The following PCDH15 variants were observed in gnomAD, a reference collection of about 807,000 sequenced individuals.
The protein encoded by PCDH15 is protocadherin-15.
A neutral mutation model predicts 178.5 loss-of-function variants in PCDH15; 129 were observed. The ratio of observed to expected loss-of-function variants is 0.72; its 90% CI spans 0.63 to 0.84. The LOEUF (loss-of-function observed/expected upper bound fraction) is 0.84, where lower values mean the gene tolerates loss of function less well. PCDH15 is among the 40% of genes least tolerant of loss of function. PCDH15 has a pLI of 0.00. For synonymous variants in PCDH15, 800 were observed against 732.0 expected (o/e 1.09, Z -1.50); for missense variants, 2,230 against 2,099.9 (o/e 1.06, Z -1.21).
At chr10:54,242,594 A>G (rs1197833711) in intron 8 of PCDH15, among the ~76,000 whole-genome samples, 2 of 152,144 alleles carry the variant, frequency 1.3e-5, no homozygotes, top group Non-Finnish European at 2.9e-5. Context: ...TATCATTTAC[A>G]CAAGTTGATG....
At chr10:54,925,310 T>C (rs1432895726) in intron 2 of PCDH15, among the ~76,000 whole-genome samples, 1 of 152,210 alleles carries the variant, frequency 6.6e-6, no homozygotes, top group East Asian at 1.9e-4. Context: ...TATGTATCTG[T>C]TTCTGTACCA....
At chr10:54,271,860 G>C (rs2058066118) in intron 8 of PCDH15, among the ~76,000 whole-genome samples, 1 of 151,168 alleles carries the variant, frequency 6.6e-6, no homozygotes, top group Admixed American at 6.6e-5. Context: ...TATTGTAGGG[G>C]TACAGATCAG....
intron 1 of PCDH15, among the ~76,000 whole-genome samples, chr10:54,793,999 GTT>G (rs1951703176): frequency 1.4e-5 from 2 of 147,596 alleles, no homozygotes; most frequent in African/African-American, 4.9e-5. Context: ...ACAATTTAAT[GTT>G]CTTTTTTGAA....
Position 54,020,311 on chromosome 10 carries a change from T to C in PCDH15, c.2632A>G (p.Arg878Gly). ...HPFTGELSLL[R>G]SLDYEAFPDQ... ...GGAAATGCCTCATAATCTAAACTCC[T>C]TAAAAGCGATAGTTCTCCTGTAAAT... The change falls in exon 20 of 38, where the codon AGG becomes GGG. Residue 878 changes from arginine (R) to glycine (G), a missense_variant. Transcript: ENST00000644397. 1 of 1,613,852 alleles carries C rather than the reference T, an allele frequency of 6.2e-7. No individual in the cohort carries two copies. Among genetic ancestry groups the C allele is most frequent in the Non-Finnish European group, 8.5e-7 (1 of 1,179,808 alleles).
intron 2 of PCDH15, among the ~76,000 whole-genome samples, chr10:54,538,539 C>G (rs1359796648): frequency 6.6e-6 from 1 of 151,974 alleles, no homozygotes; most frequent in Admixed American, 6.6e-5. Flanking sequence ...TGAAAAAAAG[C>G]TATGTTGTTT....
intron 2 of PCDH15, among the ~76,000 whole-genome samples, chr10:55,376,656 A>C (rs552423339): frequency 6.6e-6 from 1 of 152,184 alleles, no homozygotes; most frequent in East Asian, 1.9e-4. Flanking sequence ...GCTTATTTCA[A>C]CTAAAATTTT....
At chr10:54,328,566 C>G (rs1239113956) in intron 7 of PCDH15, among the ~76,000 whole-genome samples, 1 of 152,010 alleles carries the variant, frequency 6.6e-6, no homozygotes, top group Non-Finnish European at 1.5e-5. Context: ...ATTATGCTGA[C>G]ACAGGTGATA....
chr10:54,054,685 T>G (rs2093847217), intron 18 of PCDH15, among the ~76,000 whole-genome samples: 1 of 152,126 alleles, frequency 6.6e-6, no homozygotes, highest in Non-Finnish European at 1.5e-5. Context: ...TCTAATCTAT[T>G]TATGAGCTGC....
At chr10:54,433,411 A>T (rs2075150942) in intron 3 of PCDH15, among the ~76,000 whole-genome samples, 1 of 152,286 alleles carries the variant, frequency 6.6e-6, no homozygotes. Context: ...CATTTGCAAC[A>T]ACATGGATGG....
intron 28 of PCDH15, among the ~76,000 whole-genome samples, chr10:53,849,262 G>A (rs994456099): frequency 5.9e-5 from 9 of 151,878 alleles, no homozygotes; most frequent in African/African-American, 1.9e-4. Context: ...GAGAAAGTGT[G>A]CAAATATGAT....
intron 2 of PCDH15, among the ~76,000 whole-genome samples, chr10:54,529,478 A>C (rs758413822): frequency 3.3e-5 from 5 of 152,084 alleles, no homozygotes; most frequent in Non-Finnish European, 7.4e-5. Flanking sequence ...TCTGAACAAA[A>C]ACCTTACATG....
At chr10:55,402,738 G>A (rs1838101784) in intron 2 of PCDH15, among the ~76,000 whole-genome samples, 1 of 151,904 alleles carries the variant, frequency 6.6e-6, no homozygotes, top group Non-Finnish European at 1.5e-5. Context: ...GGACACTTAG[G>A]TTGATCCCTG....
chr10:54,346,687 T>C (rs1943347304), intron 5 of PCDH15, among the ~76,000 whole-genome samples: 1 of 152,212 alleles, frequency 6.6e-6, no homozygotes. Context: ...AACTTTGTGA[T>C]TCTTGCTATG....
chr10:53,973,293 G>A (rs1377670237), intron 21 of PCDH15, among the ~76,000 whole-genome samples: 1 of 127,628 alleles, frequency 7.8e-6, no homozygotes, highest in African/African-American at 2.9e-5. Context: ...GCCTGTCATG[G>A]GGTGGGGGGA....
In PCDH15 at chr10:54,099,513, A is replaced by AAAAT. The variant is rs1347306483; in HGVS notation, c.1918-9451_1918-9450insATTT. 1.9e-3 allele frequency among the ~76,000 whole-genome samples: 225 copies of AAAAT among 117,856 alleles called. 3 individuals are homozygous for AAAAT. Among genetic ancestry groups the AAAAT allele is most frequent in the African/African-American group, 8.1e-3 (211 of 26,090 alleles). The allele number at this position is 117,856 out of a possible 152,430, so 77.3% of individuals were successfully genotyped here. ...GACTCCATCTCAAAAAAAAAAAAAA[A>AAAAT]ATATATATATATATATATAAAACAA... On this transcript the variant is annotated intron_variant, in intron 15 of 37. Coordinates refer to ENST00000644397, the MANE Select transcript of PCDH15 (RefSeq NM_001384140.1).
rs184026653 is a variant in PCDH15, at chr10:54,527,823, T to C, written c.146A>G (p.Glu49Gly). 86 of 1,610,328 alleles carry C rather than the reference T, an allele frequency of 5.3e-5. No individual in the cohort carries two copies. The East Asian group carries it at 1.5e-3, about 28-fold the overall frequency. ...AAAAACTCACTTACCATTCCGACTT[T>C]CTTCATCAATAGCAACTATGGTAGC... is the stretch of plus-strand genomic sequence containing the variant. ...PPATIVAIDEESRNGTILVDN... is the reference protein window; with the variant it reads ...PPATIVAIDEGSRNGTILVDN... Residue 49 changes from glutamate (E) to glycine (G), a missense_variant, in exon 3 of 38, where the codon GAA becomes GGA. Coordinates refer to ENST00000644397, the MANE Select transcript of PCDH15 (RefSeq NM_001384140.1).
intron 2 of PCDH15, among the ~76,000 whole-genome samples, chr10:55,001,083 G>A (rs192267758): frequency 4.3e-4 from 66 of 152,214 alleles, no homozygotes; most frequent in African/African-American, 1.5e-3. Context: ...TCTCTTCTGA[G>A]AGCTAGACAT....
At chr10:54,734,278 A>G (rs1361615250) in intron 1 of PCDH15, among the ~76,000 whole-genome samples, 1 of 151,916 alleles carries the variant, frequency 6.6e-6, no homozygotes, top group Non-Finnish European at 1.5e-5. Context: ...CCAAAGAAGA[A>G]ATATGGACTG....
chr10:54,046,395 CTCA>C (rs1168684898), intron 18 of PCDH15, among the ~76,000 whole-genome samples: 1 of 152,178 alleles, frequency 6.6e-6, no homozygotes, highest in African/African-American at 2.4e-5. Context: ...CTCTCAAACA[CTCA>C]TCAACATGAG....
Sources: allele counts gnomAD v4.1 joint callset (sites outside exome capture counted in the v4.1 genomes callset), GRCh38; gene constraint gnomAD v4.1.1; transcripts MANE v1.5; gene names NCBI Gene and HGNC (gene_info 2026-07-23, HGNC 2026-07-21).